Variants in FGD4 observed in about 807,000 individuals in gnomAD.
The protein encoded by FGD4 is FYVE, RhoGEF and PH domain-containing protein 4.
FGD4 carries 42 observed loss-of-function variants against 102.0 expected under a neutral mutation model. The observed-to-expected ratio is 0.41, with a 90% CI of 0.32 to 0.53. The LOEUF (loss-of-function observed/expected upper bound fraction) is 0.53. FGD4 is among the 20% of genes least tolerant of loss of function. The pLI is 0.21. For synonymous variants in FGD4, 380 were observed against 375.7 expected, an observed-to-expected ratio of 1.01 and a Z score of -0.13; for missense variants, 902 against 1,078.2, an observed-to-expected ratio of 0.84 and a Z score of 2.29.
At chr12:32,467,584 C>A (rs1191955711) in intron 1 of FGD4, among the ~76,000 whole-genome samples, 1 of 152,318 alleles carries the variant, frequency 6.6e-6, no homozygotes, top group East Asian at 1.9e-4. Flanking sequence ...CTTACAGAAA[C>A]AGCAACCACA....
At chr12:32,547,574 C>T (rs567040392) in intron 1 of FGD4, among the ~76,000 whole-genome samples, 46 of 152,318 alleles carry the variant, frequency 3.0e-4, no homozygotes, top group African/African-American at 1.1e-3. Flanking sequence ...ATATAAGGTG[C>T]TTTGCACAAT....
intron 1 of FGD4, among the ~76,000 whole-genome samples, chr12:32,491,132 TAAA>T (rs72008264): frequency 1.0e-4 from 11 of 106,542 alleles, no homozygotes; most frequent in Non-Finnish European, 1.5e-4. Context: ...TTCTGCCAGT[TAAA>T]AAAAAAAAAA....
chr12:32,605,000 A>G (rs1592377891), intron 7 of FGD4, among the ~76,000 whole-genome samples: 1 of 122,200 alleles, frequency 8.2e-6, no homozygotes, highest in East Asian at 2.4e-4. Flanking sequence ...GTGCAGTGGT[A>G]TGATCTCGGC....
intron 4 of FGD4, among the ~76,000 whole-genome samples, chr12:32,598,170 C>T (rs1948062337): frequency 6.6e-6 from 1 of 152,096 alleles, no homozygotes; most frequent in African/African-American, 2.4e-5. Context: ...TGAGTGATAA[C>T]ATTTCCAAAG....
chr12:32,613,550 C>G (rs1949275529), intron 10 of FGD4, among the ~76,000 whole-genome samples: 2 of 152,070 alleles, frequency 1.3e-5, no homozygotes, highest in Admixed American at 1.3e-4. Flanking sequence ...CTTAGGAGTT[C>G]AAGACCAACC....
intron 1 of FGD4, among the ~76,000 whole-genome samples, chr12:32,429,940 C>T (rs769920913): frequency 4.6e-5 from 7 of 151,548 alleles, no homozygotes; most frequent in Non-Finnish European, 1.0e-4. Context: ...TGCCAAATTC[C>T]TATCAGGTTT....
intron 1 of FGD4, among the ~76,000 whole-genome samples, chr12:32,418,625 G>A (rs1048336867): frequency 1.3e-5 from 2 of 152,104 alleles, no homozygotes; most frequent in African/African-American, 4.8e-5. Context: ...CCAGCACACC[G>A]TGGCCACCAC....
At chr12:32,594,695 AATT>A (rs1947737664) in intron 4 of FGD4, among the ~76,000 whole-genome samples, 1 of 152,040 alleles carries the variant, frequency 6.6e-6, no homozygotes, top group South Asian at 2.1e-4. Flanking sequence ...AAAAAGGGTA[AATT>A]TTACTGTTTA....
intron 1 of FGD4, among the ~76,000 whole-genome samples, chr12:32,436,489 T>C (rs1942232478): frequency 6.6e-6 from 1 of 152,226 alleles, no homozygotes; most frequent in Admixed American, 6.5e-5. Flanking sequence ...TGTCCACACA[T>C]TGGCAAGCCT....
chr12:32,511,722 C>T (rs185521691), intron 1 of FGD4: 10 of 152,242 alleles, frequency 6.6e-5, no homozygotes, highest in Admixed American at 6.5e-4. Flanking sequence ...TTCTTTGAAA[C>T]TACACAGAAC....
chr12:32,612,219 C>G (rs1207631436), intron 10 of FGD4, among the ~76,000 whole-genome samples: 1 of 152,256 alleles, frequency 6.6e-6, no homozygotes, highest in Non-Finnish European at 1.5e-5. Flanking sequence ...CCAGCCACAG[C>G]TTTGCAGGGA....
At chr12:32,585,697 G>A (rs372286813) in intron 4 of FGD4, among the ~76,000 whole-genome samples, 9 of 151,802 alleles carry the variant, frequency 5.9e-5, no homozygotes, top group African/African-American at 1.9e-4. Context: ...CGCTGGGTGC[G>A]GTGGCACTTG....
chr12:32,446,742 A>T (rs1213459511), intron 1 of FGD4, among the ~76,000 whole-genome samples: 1 of 152,156 alleles, frequency 6.6e-6, no homozygotes, highest in Non-Finnish European at 1.5e-5. Context: ...GATTCTGAGG[A>T]GAAACAGGAC....
intron 15 of FGD4, 82 bp downstream of exon 15, chr12:32,633,771 A>G (rs1950632343): frequency 1.5e-6 from 2 of 1,293,572 alleles, no homozygotes; most frequent in Non-Finnish European, 2.2e-6. Flanking sequence ...GCTGAGGTGC[A>G]GTGGCACGAT....
chr12:32,456,383 T>C (rs1445270227), intron 1 of FGD4, among the ~76,000 whole-genome samples: 1 of 152,320 alleles, frequency 6.6e-6, no homozygotes, highest in East Asian at 1.9e-4. Flanking sequence ...GTCAATCTAT[T>C]TTTCTTTACT....
chr12:32,498,598 TTTTG>T (rs746921570), intron 1 of FGD4, among the ~76,000 whole-genome samples: 51 of 152,158 alleles, frequency 3.4e-4, no homozygotes, highest in African/African-American at 8.2e-4. Flanking sequence ...GTTATTGGTT[TTTTG>T]TTTGTTTGTT....
At chr12:32,468,286 G>A (rs887215568) in intron 1 of FGD4, among the ~76,000 whole-genome samples, 15 of 150,888 alleles carry the variant, frequency 9.9e-5, no homozygotes, top group African/African-American at 3.7e-4. Context: ...TTTAATTCTA[G>A]AGAGGAAACC....
intron 1 of FGD4, among the ~76,000 whole-genome samples, chr12:32,563,366 T>C (rs1331626464): frequency 1.6e-5 from 2 of 128,308 alleles, no homozygotes; most frequent in Non-Finnish European, 3.2e-5. Flanking sequence ...CCAGACGGGG[T>C]GGCGGGGCAG....
At chr12:32,597,361 G>C (rs1947995395) in intron 4 of FGD4, among the ~76,000 whole-genome samples, 1 of 152,226 alleles carries the variant, frequency 6.6e-6, no homozygotes, top group Non-Finnish European at 1.5e-5. Flanking sequence ...CTTGGTAGCA[G>C]TCAGGATGCC....
Sources: gnomAD v4.1 joint callset for allele counts (sites outside exome capture counted in the v4.1 genomes callset) on GRCh38, gnomAD v4.1.1 for gene constraint, MANE v1.5 for transcripts, NCBI Gene and HGNC (gene_info 2026-07-23, HGNC 2026-07-21) for gene names.